Variants in TRPM1 observed in about 807,000 individuals in gnomAD.
TRPM1 encodes transient receptor potential cation channel subfamily M member 1, also known as TRPM1-203 APA Isoform, Intron 10.
TRPM1 carries 113 observed loss-of-function variants against 149.4 expected under a neutral mutation model. The ratio of observed to expected loss-of-function variants is 0.76; its 90% CI spans 0.65 to 0.88. TRPM1 has a LOEUF of 0.88. TRPM1 is among the 40% of genes least tolerant of loss of function. TRPM1 has a pLI of 0.00. For missense variants in TRPM1, 1,976 were observed against 2,038.7 expected, an observed-to-expected ratio of 0.97 and a Z score of 0.59; for synonymous variants, 741 against 759.5, an observed-to-expected ratio of 0.98 and a Z score of 0.40.
intron 24 of TRPM1, among the ~76,000 whole-genome samples, chr15:31,029,143 A>G (rs1194515669): frequency 6.6e-6 from 1 of 152,188 alleles, no homozygotes; most frequent in East Asian, 1.9e-4. Flanking sequence ...CTCATTTGAA[A>G]TGCAACTTTT....
At chr15:31,124,987 A>C (rs191536704) in intron 1 of TRPM1, among the ~76,000 whole-genome samples, 7 of 152,186 alleles carry the variant, frequency 4.6e-5, no homozygotes, top group African/African-American at 1.7e-4. Context: ...CAGCCTGGCC[A>C]ACATGGTGAA....
Position 31,030,983 on chromosome 15 carries a change from G to C in TRPM1, c.3127C>G (p.Leu1043Val), listed in dbSNP as rs199609931. The part of the protein sequence containing the change: ...YGEVFADQID[L>V]YAMEINPPCG... The stretch of plus-strand genomic sequence containing the variant: ...ATCTTACTATGAATTCTACTCTTAC[G>C]GTCTATCTGGTCTGCAAACACCTCT... Residue 1043 changes from leucine (L) to valine (V), a missense_variant and splice_region_variant, in exon 23 of 28, where the codon CTC becomes GTC. Transcript: ENST00000256552. 6.2e-7 allele frequency: 1 copy of C among 1,614,098 alleles called. No individual in the cohort carries two copies. The highest frequency in any genetic ancestry group is 8.5e-7 in the Non-Finnish European group (1 of 1,180,016).
intron 1 of TRPM1, among the ~76,000 whole-genome samples, chr15:31,086,619 G>A (rs1014081551): frequency 2.6e-5 from 4 of 152,178 alleles, no homozygotes; most frequent in African/African-American, 9.7e-5. Flanking sequence ...TCCAGGGTCT[G>A]AGTGGAGCCA....
At chr15:31,124,609 G>A (rs1258613800) in intron 1 of TRPM1, among the ~76,000 whole-genome samples, 3 of 142,978 alleles carry the variant, frequency 2.1e-5, no homozygotes, top group Admixed American at 1.5e-4. Context: ...ACCCAAGATC[G>A]CACCATCGTA....
intron 1 of TRPM1, among the ~76,000 whole-genome samples, chr15:31,097,306 T>C (rs1229695872): frequency 6.9e-6 from 1 of 144,616 alleles, no homozygotes; most frequent in Non-Finnish European, 1.5e-5. Flanking sequence ...ACTGAGCATT[T>C]AGGAACTATG....
At chr15:31,076,113 G>A (rs1432291934) in intron 3 of TRPM1, among the ~76,000 whole-genome samples, 1 of 135,650 alleles carries the variant, frequency 7.4e-6, no homozygotes, top group Non-Finnish European at 1.7e-5. Flanking sequence ...GTTTCATAAT[G>A]GCATTTCTTA....
intron 1 of TRPM1, among the ~76,000 whole-genome samples, chr15:31,090,125 T>G (rs111582556): frequency 0.02 from 3,054 of 152,308 alleles, 109 homozygotes; most frequent in African/African-American, 0.068. Flanking sequence ...CCATGAACAC[T>G]GGTGCGTTCC....
rs80124507 is a variant in TRPM1, at chr15:31,040,444, C to A, written c.2088-98G>T. 6.3e-3 allele frequency: 6,174 copies of A among 975,092 alleles called. 31 individuals carry two copies. The highest frequency in any genetic ancestry group is 7.5e-3 in the Non-Finnish European group (4,629 of 619,986). The allele number at this position is 975,092 out of a possible 1,614,324, so 60.4% of individuals were successfully genotyped here. On this transcript the variant is annotated intron_variant, in intron 17 of 27. Transcript: ENST00000256552. The surrounding 1 kb of genome is among the most constrained non-coding windows in gnomAD (Gnocchi z 4.2). ...CAAGGACTTATGGAGCCACGGGACACAGTATCCTTCACTGGAGGGGCTCTG... is the reference window on the plus strand; with the variant it reads ...CAAGGACTTATGGAGCCACGGGACAAAGTATCCTTCACTGGAGGGGCTCTG...
At chr15:31,029,608 T>A (rs2032966487) in intron 23 of TRPM1, among the ~76,000 whole-genome samples, 1 of 152,222 alleles carries the variant, frequency 6.6e-6, no homozygotes, top group African/African-American at 2.4e-5. Flanking sequence ...TTAATCATTC[T>A]AGAAAATATA....
chr15:31,101,475 A>C (rs1190288243), intron 1 of TRPM1, among the ~76,000 whole-genome samples, 182 bp downstream of exon 1: 2 of 152,180 alleles, frequency 1.3e-5, no homozygotes, highest in Non-Finnish European at 2.9e-5. Context: ...AGCACACCTG[A>C]GCTTGCCTGC....
intron 13 of TRPM1, among the ~76,000 whole-genome samples, chr15:31,048,513 G>A (rs1254330395): frequency 6.6e-6 from 1 of 152,056 alleles, no homozygotes; most frequent in Non-Finnish European, 1.5e-5. Context: ...AATTCATCAA[G>A]TTGGCCAGAA....
intron 1 of TRPM1, among the ~76,000 whole-genome samples, chr15:31,088,880 C>G (rs976220306): frequency 6.6e-6 from 1 of 152,074 alleles, no homozygotes; most frequent in South Asian, 2.1e-4. Context: ...TTTGGCCCCC[C>G]CGAGCGGGAG....
chr15:31,043,289 G>A (rs2033673705), intron 16 of TRPM1, among the ~76,000 whole-genome samples: 1 of 152,208 alleles, frequency 6.6e-6, no homozygotes, highest in Non-Finnish European at 1.5e-5. Context: ...TGCCTCCCGG[G>A]TTCATGCCAT....
intron 27 of TRPM1, among the ~76,000 whole-genome samples, chr15:31,025,668 A>C: frequency 2.1e-5 from 3 of 140,026 alleles, no homozygotes; most frequent in African/African-American, 2.6e-5. Flanking sequence ...CCCAGTTCCC[A>C]CTCTCAGGGG....
At chr15:31,073,664 T>G (rs2034617729) in intron 3 of TRPM1, among the ~76,000 whole-genome samples, 1 of 152,088 alleles carries the variant, frequency 6.6e-6, no homozygotes, top group South Asian at 2.1e-4. Context: ...GAGTTTTACT[T>G]CTCTCTTTCC....
In TRPM1 at chr15:31,069,605, C is replaced by T. The variant is rs187618585; in HGVS notation, c.279+426G>A. The T allele has an allele frequency of 4.7e-4, 600 of 1,284,532 alleles. 2 individuals carry two copies. The highest frequency in any genetic ancestry group is 3.0e-3 in the Middle Eastern group (10 of 3,366). The allele number at this position is 1,284,532 out of a possible 1,614,324, so 79.6% of individuals were successfully genotyped here. On this transcript the variant is annotated intron_variant, in intron 4 of 27. Transcript: ENST00000256552. ...AAATGTGAGGGACCTTGGTCCTTCT[C>T]GGGCCAGCTGAGCGCAGGCCCAGGG...
At chr15:31,043,687 CAT>C (rs1310392032) in intron 16 of TRPM1, among the ~76,000 whole-genome samples, 1 of 151,996 alleles carries the variant, frequency 6.6e-6, no homozygotes, top group African/African-American at 2.4e-5. Context: ...TTTAGATAAA[CAT>C]AGATTTTCAA....
At chr15:31,089,442 C>G (rs564825917) in intron 1 of TRPM1, among the ~76,000 whole-genome samples, 163 of 152,340 alleles carry the variant, frequency 1.1e-3, no homozygotes, top group Non-Finnish European at 1.7e-3. Context: ...TATGACAGGT[C>G]ATTGGTGACC....
At chr15:31,159,410 G>A (rs147155587) in intron 1 of TRPM1, among the ~76,000 whole-genome samples, 101 of 152,342 alleles carry the variant, frequency 6.6e-4, no homozygotes, top group Middle Eastern at 3.4e-3. Context: ...GGGAGGAGGA[G>A]GTCACGTGGA....
Sources: gnomAD v4.1 joint callset for allele counts (sites outside exome capture counted in the v4.1 genomes callset) on GRCh38, gnomAD v4.1.1 for gene constraint, Gnocchi (gnomAD v3.1) non-coding constraint, MANE v1.5 for transcripts, NCBI Gene and HGNC (gene_info 2026-07-23, HGNC 2026-07-21) for gene names.